The following UBXN11 variants were observed in gnomAD, a reference collection of about 807,000 sequenced individuals.
UBXN11 encodes the protein UBX domain protein 11, also known as UBX domain-containing protein 11.
In UBXN11, 47 loss-of-function variants were observed where a neutral mutation model predicts 62.8. That is an observed-to-expected ratio of 0.75 (90% CI 0.59 to 0.95). The LOEUF (loss-of-function observed/expected upper bound fraction) is 0.95, where lower values mean the gene tolerates loss of function less well. UBXN11 is among the 40% of genes least tolerant of loss of function. UBXN11 has a pLI of 0.00. For synonymous variants in UBXN11, 294 were observed against 267.0 expected (o/e 1.10, Z -0.99); for missense variants, 638 against 661.7 (o/e 0.96, Z 0.39).
intron 8 of UBXN11, among the ~76,000 whole-genome samples, chr1:26,286,344 AAC>A (rs943752889): frequency 1.8e-4 from 28 of 152,354 alleles, no homozygotes; most frequent in African/African-American, 6.5e-4. Context: ...GCTTGTGAGA[AAC>A]ACAGTAGTAA....
chr1:26,294,401 C>G (rs2073346416), intron 7 of UBXN11, 70 bp from the exon 8 acceptor site: 1 of 1,578,412 alleles, frequency 6.3e-7, no homozygotes, highest in East Asian at 2.3e-5. Context: ...GCAGTGTCAG[C>G]CCAAAGCCCA....
chr1:26,315,960 CTTTTTTT>C (rs34193565), intron 1 of UBXN11, among the ~76,000 whole-genome samples: 1 of 114,538 alleles, frequency 8.7e-6, no homozygotes, highest in African/African-American at 3.4e-5. Context: ...GTTTCCTGGC[CTTTTTTT>C]TTTTTTTTTT....
chr1:26,293,833 T>C (rs1266904121), intron 8 of UBXN11, among the ~76,000 whole-genome samples: 1 of 151,462 alleles, frequency 6.6e-6, no homozygotes, highest in Non-Finnish European at 1.5e-5. Context: ...CCTGGGAATT[T>C]GGCAGCAGCT....
At chr1:26,310,060 C>T (rs545517998), upstream of UBXN11, among the ~76,000 whole-genome samples, 7 of 152,142 alleles carry the variant, frequency 4.6e-5, no homozygotes, top group Non-Finnish European at 8.8e-5. Flanking sequence ...CTCAGCCTAC[C>T]AAGTAGCAGA....
intron 8 of UBXN11, 162 bp downstream of exon 8, chr1:26,294,043 G>A (rs927784537): frequency 4.4e-5 from 48 of 1,103,112 alleles, no homozygotes; most frequent in Non-Finnish European, 5.8e-5. Context: ...TGGAGGCCAA[G>A]GCTGCTCCCA....
chr1:26,299,301 C>G (rs892197072), intron 4 of UBXN11, among the ~76,000 whole-genome samples: 2 of 151,400 alleles, frequency 1.3e-5, no homozygotes, highest in African/African-American at 4.9e-5. Flanking sequence ...CACTTGAGAC[C>G]AGGAGTTCGA....
At chr1:26,285,663 A>G (rs1033196907) in intron 9 of UBXN11, 122 bp from the exon 10 acceptor site, 2 of 1,361,228 alleles carry the variant, frequency 1.5e-6, no homozygotes, top group Middle Eastern at 2.7e-4. Flanking sequence ...GGAAACATTC[A>G]GAGTCCCAGG....
intron 1 of UBXN11, among the ~76,000 whole-genome samples, chr1:26,317,764 TCTC>T (rs1370717043): frequency 6.6e-6 from 1 of 152,026 alleles, no homozygotes; most frequent in Non-Finnish European, 1.5e-5. Flanking sequence ...GATTGACCTC[TCTC>T]CTATCTTGTA....
rs142918329 is a variant in UBXN11, at chr1:26,299,119, T to C, written c.200-1057A>G. On this transcript the variant is annotated intron_variant, in intron 4 of 14. Transcript: ENST00000374222. Reference sequence around the variant, plus strand: ...TGACTTATAGTTAAATGCATCTTAATTGACAAACATTTGGGAACTGTCTAC... The same window carrying C: ...TGACTTATAGTTAAATGCATCTTAACTGACAAACATTTGGGAACTGTCTAC... Among the ~76,000 whole-genome samples, 14 of 152,280 alleles carry C rather than the reference T, an allele frequency of 9.2e-5. No homozygotes were observed. In the East Asian group the frequency reaches 2.5e-3, roughly 27 times the overall value.
intron 7 of UBXN11, 29 bp from the exon 8 acceptor site, chr1:26,294,360 C>T (rs762514254): frequency 1.2e-6 from 2 of 1,608,864 alleles, no homozygotes; most frequent in Middle Eastern, 1.7e-4. Flanking sequence ...AGATGCGGGG[C>T]ACCGTCAGCT....
intron 1 of UBXN11, among the ~76,000 whole-genome samples, chr1:26,303,773 T>C (rs759357967): frequency 1.7e-4 from 26 of 152,176 alleles, no homozygotes; most frequent in Admixed American, 9.2e-4. Flanking sequence ...GGCAGGGTTC[T>C]GAGCAGATTC....
rs199850111 is a variant in UBXN11 at position 26,294,233 on chromosome 1, C to T, written c.531G>A (p.Trp177Ter). ...GCTTCCAGAACTTCTTGGCTGTCAT[C>T]CAGTCCCTCTCGCCATGCTCTGAGA... Reference protein sequence around the residue: ...KTVSEHGERDWMTAKKFWKPG... With the variant: ...KTVSEHGERD Residue 177 changes from tryptophan to a stop codon, truncating the protein, a stop_gained, in exon 8 of 15, where the codon TGG (tryptophan) becomes TGA (stop). Coordinates refer to ENST00000374222, the MANE Select transcript of UBXN11 (RefSeq NM_001389556.1). LOFTEE classifies it high-confidence loss of function. 1 of 1,614,178 alleles carries T rather than the reference C, an allele frequency of 6.2e-7. No individual in the cohort carries two copies. Among genetic ancestry groups the T allele is most frequent in the Non-Finnish European group, 8.5e-7 (1 of 1,179,984 alleles).
Position 26,285,816 on chromosome 1 carries a change from C to T in UBXN11, c.774+7G>A. ...TAGAGCACCACCCCCCCCAACACCG[C>T]TCCTACCTGTGTGGAGGGATCGTAG... On this transcript the variant is annotated splice_region_variant and intron_variant, in intron 9 of 14. Transcript: ENST00000374222. 1 of 1,595,058 alleles carries T rather than the reference C, an allele frequency of 6.3e-7. No homozygotes were observed. The highest frequency in any genetic ancestry group is 8.6e-7 in the Non-Finnish European group (1 of 1,165,346).
intron 6 of UBXN11, 99 bp from the exon 7 acceptor site, chr1:26,297,094 C>T (rs994862934): frequency 2.9e-6 from 4 of 1,382,718 alleles, no homozygotes; most frequent in Non-Finnish European, 9.9e-7. Context: ...TCTGGGGATC[C>T]CCCAAGAACT....
intron 4 of UBXN11, among the ~76,000 whole-genome samples, chr1:26,299,857 T>A (rs1392107797): frequency 1.3e-5 from 2 of 151,726 alleles, no homozygotes; most frequent in Non-Finnish European, 2.9e-5. Context: ...TGGCTGGGTA[T>A]GGTGGCTCAT....
At chr1:26,302,480 C>A (rs2073562894) in intron 2 of UBXN11, among the ~76,000 whole-genome samples, 1 of 151,460 alleles carries the variant, frequency 6.6e-6, no homozygotes, top group Non-Finnish European at 1.5e-5. Flanking sequence ...GTAAAAGATT[C>A]CCTTTACTGA....
intron 2 of UBXN11, 30 bp from the exon 3 acceptor site, chr1:26,301,752 A>G: frequency 6.2e-7 from 1 of 1,613,592 alleles, no homozygotes; most frequent in Non-Finnish European, 8.5e-7. Flanking sequence ...GAAGGAAGAA[A>G]TATAAGTTAG....
intron 8 of UBXN11, among the ~76,000 whole-genome samples, chr1:26,287,848 T>C (rs944792834): frequency 6.6e-6 from 1 of 151,292 alleles, no homozygotes; most frequent in Non-Finnish European, 1.5e-5. Context: ...TAAGGACAAA[T>C]AGGCAAACCT....
At chr1:26,300,211 C>T (rs1375849153) in intron 4 of UBXN11, among the ~76,000 whole-genome samples, 8 of 152,168 alleles carry the variant, frequency 5.3e-5, no homozygotes, top group African/African-American at 1.9e-4. Flanking sequence ...CTGAGCACCT[C>T]GCGTGACAGG....
Sources: allele counts gnomAD v4.1 joint callset (sites outside exome capture counted in the v4.1 genomes callset), GRCh38; gene constraint gnomAD v4.1.1; transcripts MANE v1.5; gene names NCBI Gene and HGNC (gene_info 2026-07-23, HGNC 2026-07-21).